The following PLPPR3 variants were observed in gnomAD, a reference collection of about 807,000 sequenced individuals.
PLPPR3 encodes phospholipid phosphatase related 3.
Under a neutral mutation model 27.3 loss-of-function variants are expected in PLPPR3, and 14 were observed. The observed-to-expected ratio is 0.51, with a 90% CI of 0.34 to 0.80. The LOEUF (loss-of-function observed/expected upper bound fraction) is 0.80. Ranked by LOEUF, PLPPR3 falls within the 30% of genes least tolerant of loss-of-function variation. The probability of loss-of-function intolerance (pLI) is 0.01; values close to 1 mark genes in which losing one functional copy is unlikely to be tolerated. For synonymous variants in PLPPR3, 671 were observed against 508.0 expected (o/e 1.32, Z -4.32); for missense variants, 1,287 against 1,056.9 (o/e 1.22, Z -3.02).
chr19:816,913 C>T (rs992572057), intron 2 of PLPPR3, among the ~76,000 whole-genome samples: 1 of 151,360 alleles, frequency 6.6e-6, no homozygotes, highest in Non-Finnish European at 1.5e-5. Context: ...ACTGTCCATC[C>T]ATCCACCCAT....
chr19:816,070 TC>T (rs1460173552), intron 2 of PLPPR3, among the ~76,000 whole-genome samples: 5 of 151,924 alleles, frequency 3.3e-5, no homozygotes, highest in African/African-American at 1.2e-4. Flanking sequence ...TCATCCTCCA[TC>T]CACCCAAACA....
chr19:821,568 G>A lies in PLPPR3; in HGVS notation c.-9C>T, dbSNP rs1345195900. 2 of 1,477,050 alleles carry A rather than the reference G, an allele frequency of 1.4e-6. No individual in the cohort carries two copies. Among genetic ancestry groups the A allele is most frequent in the Non-Finnish European group, 1.8e-6 (2 of 1,106,260 alleles). 91.5% of individuals were successfully genotyped at this position (1,477,050 alleles called of 1,614,324 possible). A position where few individuals can be genotyped will look rare whatever the true frequency, so the allele number is the denominator to read the frequency against. On this transcript the variant is annotated 5_prime_UTR_variant, in exon 2 of 8. Transcript: ENST00000520876. ...TCCTTGGTGGAGATCATGGTGCCGC[G>A]GGCGCCGCAGGCCGTGGCTGGAGGG...
Position 815,077 on chromosome 19 carries a change from G to A in PLPPR3, c.408C>T (p.Val136=). 6.2e-7 allele frequency: 1 copy of A among 1,605,336 alleles called. No homozygotes were observed. The highest frequency in any genetic ancestry group is 8.5e-7 in the Non-Finnish European group (1 of 1,179,826). The stretch of plus-strand genomic sequence containing the variant: ...CTGTGGCACACAGGCCGAACACGTG[G>A]ACACCTGCAGGGCGGAAGGCTCGGC... ...FLRRTVRFVG[V]HVFGLCATAL... Residue 136 remains valine, a synonymous_variant, in exon 5 of 8, where the codon GTC becomes GTT. Coordinates refer to ENST00000520876, the MANE Select transcript of PLPPR3 (RefSeq NM_001270366.2).
upstream of PLPPR3, among the ~76,000 whole-genome samples, chr19:822,932 AAC>A (rs2035170442): frequency 6.6e-6 from 1 of 151,700 alleles, no homozygotes; most frequent in Non-Finnish European, 1.5e-5. Flanking sequence ...CAGCCTGGAC[AAC>A]ATGGTGAAAC....
chr19:814,299 G>C (rs1389165579), intron 7 of PLPPR3, 135 bp downstream of exon 7: 1 of 817,226 alleles, frequency 1.2e-6, no homozygotes, highest in Non-Finnish European at 1.8e-6. Flanking sequence ...AGCCTCCCCT[G>C]TCAGACCCCC....
chr19:817,023 C>T (rs2035074161), intron 2 of PLPPR3, among the ~76,000 whole-genome samples: 1 of 145,244 alleles, frequency 6.9e-6, no homozygotes, highest in African/African-American at 2.5e-5. Flanking sequence ...ATCTACCAAC[C>T]TACCCATCTA....
chr19:819,780 C>T (rs559039272), intron 2 of PLPPR3, among the ~76,000 whole-genome samples: 88 of 152,254 alleles, frequency 5.8e-4, no homozygotes, highest in South Asian at 3.5e-3. Flanking sequence ...CGTCTTCCAT[C>T]GAGGCTCTGG....
Position 813,503 on chromosome 19 carries a change from G to T in PLPPR3, c.1224C>A (p.Ile408=). The change falls in exon 8 of 8, where the codon ATC becomes ATA. Residue 408 remains isoleucine (I), a synonymous_variant. Transcript: ENST00000520876. This position sits in a 1 kb window ranked among gnomAD's most constrained non-coding sequence, Gnocchi z 4.1. Reference sequence around the variant, plus strand: ...CCAGGCTCTTCTGCTTCCACTCGCTGATGAGCTGCTTGGAGCGCGAGGCGT... The same window carrying T: ...CCAGGCTCTTCTGCTTCCACTCGCTTATGAGCTGCTTGGAGCGCGAGGCGT... ...PLDASRSKQL[I]SEWKQKSLEG... 6.4e-7 allele frequency: 1 copy of T among 1,555,024 alleles called. No homozygotes were observed.
chr19:819,181 T>G (rs2035108376), intron 2 of PLPPR3, among the ~76,000 whole-genome samples: 1 of 101,002 alleles, frequency 9.9e-6, no homozygotes, highest in Admixed American at 1.1e-4. Flanking sequence ...TTCACCACAT[T>G]GGCCAGACTG....
intron 2 of PLPPR3, among the ~76,000 whole-genome samples, chr19:819,900 G>C (rs1481301211): frequency 6.6e-6 from 1 of 152,136 alleles, no homozygotes; most frequent in Non-Finnish European, 1.5e-5. Flanking sequence ...GAAGTGCAGT[G>C]GTGTGATCTT....
intron 2 of PLPPR3, 134 bp from the exon 3 acceptor site, chr19:815,985 C>G: frequency 3.6e-6 from 3 of 827,350 alleles, no homozygotes; most frequent in Non-Finnish European, 5.6e-6. Flanking sequence ...GCCACTCTTT[C>G]CCCCATGAGT....
rs1051388007 is a variant in PLPPR3 at position 812,692 on chromosome 19, G to A, written c.2035C>T (p.Pro679Ser). 2.4e-5 allele frequency: 25 copies of A among 1,049,104 alleles called. No homozygotes were observed. Among genetic ancestry groups the A allele is most frequent in the Non-Finnish European group, 2.9e-5 (25 of 870,542 alleles). 65.0% of individuals were successfully genotyped at this position (1,049,104 alleles called of 1,614,324 possible). The change falls in exon 8 of 8, where the codon CCG becomes TCG. Residue 679 changes from proline to serine, a missense_variant. By Grantham distance (74) the Pro-to-Ser change is moderately conservative. Coordinates refer to ENST00000520876, the MANE Select transcript of PLPPR3 (RefSeq NM_001270366.2). ...CGCAGCGTGGACTCCCGGCTGCCCGGGCCCAGCGCCCCATCGGCCGCGCCC... is the reference window on the plus strand; with the variant it reads ...CGCAGCGTGGACTCCCGGCTGCCCGAGCCCAGCGCCCCATCGGCCGCGCCC... ...PLGAADGALG[P>S]GSRESTLRRH...
At position 812,651 on chromosome 19, in the gene PLPPR3, GC is replaced by G; in HGVS notation, c.2075del (p.Gly692AlafsTer50). ...CCGCCTCGCGCTCCGCCAGCCCCAG[GC>G]CGCCCGCGTGGCGCCGCAGCGTGGA... ...RESTLRRHAGGLGLAEREAEA... is the reference protein window; with the variant it reads ...RESTLRRHAGXLGLAEREAEA... On this transcript the variant is annotated frameshift_variant, in exon 8 of 8. Coordinates refer to ENST00000520876, the MANE Select transcript of PLPPR3 (RefSeq NM_001270366.2). LOFTEE classifies it low-confidence loss of function (END_TRUNC). 1.8e-6 allele frequency: 2 copies of G among 1,081,672 alleles called. No homozygotes were observed. Among genetic ancestry groups the G allele is most frequent in the South Asian group, 2.6e-5 (1 of 38,456 alleles). 67.0% of individuals were successfully genotyped at this position (1,081,672 alleles called of 1,614,324 possible). A position where few individuals can be genotyped will look rare whatever the true frequency, so the allele number is the denominator to read the frequency against.
intron 2 of PLPPR3, among the ~76,000 whole-genome samples, chr19:817,792 C>T (rs768685187): frequency 4.6e-5 from 7 of 152,118 alleles, no homozygotes; most frequent in Non-Finnish European, 5.9e-5. Flanking sequence ...CCGGGGCAGA[C>T]GCGGAAAGTG....
At chr19:818,262 A>G (rs1219496761) in intron 2 of PLPPR3, among the ~76,000 whole-genome samples, 2 of 152,060 alleles carry the variant, frequency 1.3e-5, no homozygotes, top group Non-Finnish European at 2.9e-5. Flanking sequence ...GCGTGCCTGT[A>G]GTCTCAGCTA....
chr19:821,454 TC>T (rs1208854170), intron 2 of PLPPR3, 30 bp downstream of exon 2: 15 of 1,435,164 alleles, frequency 1.0e-5, no homozygotes, highest in East Asian at 3.3e-5. Flanking sequence ...CCGAGGCGTC[TC>T]CCCCGGGCCC....
At chr19:817,063 C>T (rs542855113) in intron 2 of PLPPR3, among the ~76,000 whole-genome samples, 4 of 145,350 alleles carry the variant, frequency 2.8e-5, no homozygotes, top group African/African-American at 1.0e-4. Flanking sequence ...ACCCATCTGT[C>T]CATCCACAAC....
Position 813,561 on chromosome 19 carries a change from G to A in PLPPR3, c.1166C>T (p.Ala389Val). 2 of 1,559,380 alleles carry A rather than the reference G, an allele frequency of 1.3e-6. No individual in the cohort carries two copies. Among genetic ancestry groups the A allele is most frequent in the South Asian group, 2.3e-5 (2 of 85,152 alleles). Residue 389 changes from alanine to valine, a missense_variant, in exon 8 of 8, where the codon GCG becomes GTG. Transcript: ENST00000520876. The surrounding 1 kb of genome is among the most constrained non-coding windows in gnomAD (Gnocchi z 4.1). ...CACGTGGATGGTCATGTGGCGGCGC[G>A]CGGGGTCGTCCAGCGAGGGCGCGCT... ...RASAPSLDDP[A>V]RRHMTIHVPL...
At chr19:822,800 C>T (rs1485104632), upstream of PLPPR3, among the ~76,000 whole-genome samples, 1 of 152,202 alleles carries the variant, frequency 6.6e-6, no homozygotes, top group Non-Finnish European at 1.5e-5. Context: ...CCGAGGTCTC[C>T]GGGCCCCAAA....
Sources: gnomAD v4.1 joint callset for allele counts (sites outside exome capture counted in the v4.1 genomes callset) on GRCh38, gnomAD v4.1.1 for gene constraint, Gnocchi (gnomAD v3.1) non-coding constraint, MANE v1.5 for transcripts, NCBI Gene and HGNC (gene_info 2026-07-23, HGNC 2026-07-21) for gene names.